Variants in FES observed in about 807,000 individuals in gnomAD.
The protein encoded by FES is tyrosine-protein kinase Fes/Fps.
A neutral mutation model predicts 109.6 loss-of-function variants in FES; 83 were observed. That is an observed-to-expected ratio of 0.76 (90% confidence interval 0.63 to 0.91). The LOEUF (loss-of-function observed/expected upper bound fraction) is 0.91. Ranked by LOEUF, FES falls within the 40% of genes least tolerant of loss-of-function variation. FES has a pLI of 0.00. For synonymous variants in FES, 458 were observed against 442.1 expected (o/e 1.04, Z -0.45); for missense variants, 943 against 1,070.9 (o/e 0.88, Z 1.67).
chr15:90,892,880 C>T (rs1226703726), intron 14 of FES, 55 bp downstream of exon 14: 2 of 1,533,280 alleles, frequency 1.3e-6, no homozygotes, highest in Non-Finnish European at 9.0e-7. Flanking sequence ...GGTTACACTG[C>T]ATGGCACAGT....
rs1465243461 is a variant in FES at position 90,884,526 on chromosome 15, G to A, written c.-28G>A. On this transcript the variant is annotated 5_prime_UTR_variant, in exon 1 of 19. Transcript: ENST00000328850. The stretch of plus-strand genomic sequence containing the variant: ...CCTGAGTCGGTCCGAGGCCGTCCCA[G>A]GAGCAGCTGCCCGTGCGGGTACCTC... The A allele has an allele frequency of 1.3e-5, 2 of 154,104 alleles. No homozygotes were observed. The highest frequency in any genetic ancestry group is 4.8e-5 in the African/African-American group (2 of 41,472). 9.5% of individuals were successfully genotyped at this position (154,104 alleles called of 1,614,324 possible).
chr15:90,895,401 T>G lies in FES; in HGVS notation c.2327-15T>G. The G allele has an allele frequency of 1.3e-6, 2 of 1,514,670 alleles. No individual in the cohort carries two copies. The highest frequency in any genetic ancestry group is 1.8e-6 in the Non-Finnish European group (2 of 1,127,324). 93.8% of individuals were successfully genotyped at this position (1,514,670 alleles called of 1,614,324 possible). Reference sequence around the variant, plus strand: ...CTCCCTCCTCATGCCTGGTGTGCTGTGCCTCTCCTCACAGGGGGCCGTCTG... The same window carrying G: ...CTCCCTCCTCATGCCTGGTGTGCTGGGCCTCTCCTCACAGGGGGCCGTCTG... On this transcript the variant is annotated splice_polypyrimidine_tract_variant and intron_variant, in intron 18 of 18. Coordinates refer to ENST00000328850, the MANE Select transcript of FES (RefSeq NM_002005.4).
rs765642999 is a variant in FES, at chr15:90,890,272, G to C, written c.1230G>C (p.Ser410=). ...LLLQDDRHST[S]SSEQEREGGR... The stretch of plus-strand genomic sequence containing the variant: ...TGCAGGATGACCGCCACTCCACGTC[G>C]TCCTCGGTGAGCTGCCCCATCCGCG... Residue 410 remains serine, a synonymous_variant, in exon 9 of 19, where the codon TCG becomes TCC. Coordinates refer to ENST00000328850, the MANE Select transcript of FES (RefSeq NM_002005.4). The C allele has an allele frequency of 6.3e-7, 1 of 1,590,834 alleles. No homozygotes were observed. Among genetic ancestry groups the C allele is most frequent in the South Asian group, 1.1e-5 (1 of 90,574 alleles).
Position 90,888,137 on chromosome 15 carries a change from G to A in FES, c.668+767G>A, listed in dbSNP as rs186525075. Among the ~76,000 whole-genome samples the A allele has an allele frequency of 2.0e-4, 31 of 152,220 alleles. 1 individual carries two copies. In the East Asian group the frequency reaches 3.5e-3, roughly 17 times the overall value. On this transcript the variant is annotated intron_variant, in intron 5 of 18. Transcript: ENST00000328850. ...TTAACTTTTTTTGAGTCAGAGTCTC[G>A]CTCTGCCGCCCAGGCTAGAGTGCAG...
At chr15:90,894,192 G>A in intron 18 of FES, 134 bp downstream of exon 18, 1 of 1,052,888 alleles carries the variant, frequency 9.5e-7, no homozygotes, top group Non-Finnish European at 1.4e-6. Flanking sequence ...GCTCACGCCT[G>A]TCATCCCAGC....
chr15:90,892,683 G>C, intron 13 of FES, 24 bp from the exon 14 acceptor site: 1 of 1,579,460 alleles, frequency 6.3e-7, no homozygotes, highest in Non-Finnish European at 8.6e-7. Context: ...GGAAGGCCGT[G>C]GTAGGAGCCC....
In FES at chr15:90,889,616, T is replaced by G; in HGVS notation, c.906T>G (p.Thr302=). 1 of 1,613,456 alleles carries G rather than the reference T, an allele frequency of 6.2e-7. No homozygotes were observed. The highest frequency in any genetic ancestry group is 8.5e-7 in the Non-Finnish European group (1 of 1,179,982). ...EPGELQLNEL[T]VESVQHTLTS... ...GGGAGCTCCAGCTGAACGAGCTGAC[T>G]GTGGAGAGCGTGCAGCACACGTGGG... The change falls in exon 7 of 19, where the codon ACT becomes ACG. Residue 302 remains threonine (T), a synonymous_variant. Coordinates refer to ENST00000328850, the MANE Select transcript of FES (RefSeq NM_002005.4). This position sits in a 1 kb window ranked among gnomAD's most constrained non-coding sequence, Gnocchi z 6.1.
intron 12 of FES, 52 bp from the exon 13 acceptor site, chr15:90,892,006 C>T: frequency 6.2e-7 from 1 of 1,606,140 alleles, no homozygotes; most frequent in East Asian, 2.2e-5. Flanking sequence ...TTCTAAGGGC[C>T]CAGCACCCCT....
chr15:90,893,072 G>C, intron 14 of FES, 28 bp from the exon 15 acceptor site: 4 of 1,606,792 alleles, frequency 2.5e-6, no homozygotes, highest in Non-Finnish European at 3.4e-6. Flanking sequence ...GCCTGGCCAC[G>C]TAGATCCTGA....
At position 90,890,107 on chromosome 15, in the gene FES, C is replaced by T; in HGVS notation, c.1065C>T (p.Gly355=). The T allele has an allele frequency of 2.1e-6, 3 of 1,459,718 alleles. No homozygotes were observed. Among genetic ancestry groups the T allele is most frequent in the Non-Finnish European group, 2.7e-6 (3 of 1,093,050 alleles). 90.4% of individuals were successfully genotyped at this position (1,459,718 alleles called of 1,614,324 possible). ...THPRERVQLL[G]KRQVLQEALQ... is the part of the protein sequence containing the mutation. ...CTGCCTGCAGGGTGCAGCTGCTGGGCAAGAGGCAAGTGCTGCAAGAAGCAC... is the reference window on the plus strand; with the variant it reads ...CTGCCTGCAGGGTGCAGCTGCTGGGTAAGAGGCAAGTGCTGCAAGAAGCAC... Residue 355 remains glycine, a synonymous_variant, in exon 9 of 19, where the codon GGC becomes GGT. Transcript: ENST00000328850.
Position 90,887,317 on chromosome 15 carries a change from G to T in FES, c.615G>T (p.Leu205=). 1 of 1,613,120 alleles carries T rather than the reference G, an allele frequency of 6.2e-7. No individual in the cohort carries two copies. Among genetic ancestry groups the T allele is most frequent in the Non-Finnish European group, 8.5e-7 (1 of 1,180,028 alleles). ...ACCAGCACCACCACCAGCTCCTGCTGCCCGGCCTGCTGCGGTCACTGCAGG... is the reference window on the plus strand; with the variant it reads ...ACCAGCACCACCACCAGCTCCTGCTTCCCGGCCTGCTGCGGTCACTGCAGG... ...LHHQHHHQLL[L]PGLLRSLQDL... is the part of the protein sequence containing the mutation. The change falls in exon 5 of 19, where the codon CTG becomes CTT. Residue 205 remains leucine (L), a synonymous_variant. Coordinates refer to ENST00000328850, the MANE Select transcript of FES (RefSeq NM_002005.4).
rs2032739718 is a variant in FES at position 90,887,278 on chromosome 15, T to C, written c.576T>C (p.Ala192=). 12 of 1,613,294 alleles carry C rather than the reference T, an allele frequency of 7.4e-6. No individual in the cohort carries two copies. The highest frequency in any genetic ancestry group is 1.0e-5 in the Non-Finnish European group (12 of 1,180,036). The change falls in exon 5 of 19, where the codon GCT becomes GCC. Residue 192 remains alanine, a synonymous_variant. Coordinates refer to ENST00000328850, the MANE Select transcript of FES (RefSeq NM_002005.4). ...ACCGCTATGTGCTGGGCGTGCGGGC[T>C]GCGCAGCTACACCACCAGCACCACC... ...HHNRYVLGVR[A]AQLHHQHHHQ... is the part of the protein sequence containing the mutation.
rs139648566 is a variant in FES at position 90,893,663 on chromosome 15, T to C, written c.2055T>C (p.Ala685=). 2.7e-4 allele frequency: 434 copies of C among 1,590,494 alleles called. 2 individuals are homozygous for C. The African/African-American group carries it at 5.5e-3, about 20-fold the overall frequency. The change falls in exon 17 of 19, where the codon GCT becomes GCC. Residue 685 remains alanine, a synonymous_variant. Transcript: ENST00000328850. ...GCCCTGTCTCACCCAGGGACCTGGC[T>C]GCTCGGAACTGCCTGGTGACAGAGA... The part of the protein sequence containing the change: ...ESKCCIHRDL[A]ARNCLVTEKN...
chr15:90,892,884 G>A, intron 14 of FES, 59 bp downstream of exon 14: 1 of 1,523,584 alleles, frequency 6.6e-7, no homozygotes, highest in Non-Finnish European at 9.1e-7. Flanking sequence ...ACACTGCATG[G>A]CACAGTGTGA....
At position 90,885,134 on chromosome 15, in the gene FES, T is replaced by C. The variant is rs1370969326; in HGVS notation, c.89T>C (p.Met30Thr). 1 of 1,610,290 alleles carries C rather than the reference T, an allele frequency of 6.2e-7. No individual in the cohort carries two copies. Among genetic ancestry groups the C allele is most frequent in the Non-Finnish European group, 8.5e-7 (1 of 1,176,910 alleles). ...GCCGAGCTTCGTCTACTGGAGGGCA[T>C]GAGAAAGTGGATGGCCCAGCGGGTC... ...QEAELRLLEG[M>T]RKWMAQRVKS... is the part of the protein sequence containing the mutation. Residue 30 changes from methionine to threonine, a missense_variant, in exon 2 of 19, where the codon ATG becomes ACG. By Grantham distance (81) the Met-to-Thr change is moderately conservative. Coordinates refer to ENST00000328850, the MANE Select transcript of FES (RefSeq NM_002005.4).
intron 10 of FES, 24 bp from the exon 11 acceptor site, chr15:90,890,958 C>T (rs756122752): frequency 3.9e-6 from 6 of 1,556,394 alleles, no homozygotes; most frequent in Admixed American, 3.7e-5. Flanking sequence ...TTAAGTGACT[C>T]CTCCTCGATC....
At chr15:90,884,892 C>A (rs1209155449) in intron 1 of FES, 145 bp from the exon 2 acceptor site, 2 of 690,160 alleles carry the variant, frequency 2.9e-6, no homozygotes, top group Non-Finnish European at 5.0e-6. Context: ...TGCTGGGTAC[C>A]CATGGCTGCG....
chr15:90,892,049 C>T lies in FES; in HGVS notation c.1654-9C>T. 2 of 1,614,164 alleles carry T rather than the reference C, an allele frequency of 1.2e-6. No individual in the cohort carries two copies. Among genetic ancestry groups the T allele is most frequent in the Non-Finnish European group, 1.7e-6 (2 of 1,179,988 alleles). ...AGACTTCTGATCCCCTGTCTCCTCT[C>T]TTCCCCAGGACAAGTGGGTGCTGAA... On this transcript the variant is annotated splice_polypyrimidine_tract_variant and intron_variant, in intron 12 of 18. Coordinates refer to ENST00000328850, the MANE Select transcript of FES (RefSeq NM_002005.4).
chr15:90,885,131 G>C lies in FES; in HGVS notation c.86G>C (p.Gly29Ala). The change falls in exon 2 of 19, where the codon GGC becomes GCC. Residue 29 changes from glycine (G) to alanine (A), a missense_variant. Coordinates refer to ENST00000328850, the MANE Select transcript of FES (RefSeq NM_002005.4). ...GAGGCCGAGCTTCGTCTACTGGAGG[G>C]CATGAGAAAGTGGATGGCCCAGCGG... is the stretch of plus-strand genomic sequence containing the variant. ...MQEAELRLLE[G>A]MRKWMAQRVK... 1 of 1,614,014 alleles carries C rather than the reference G, an allele frequency of 6.2e-7. No homozygotes were observed. Among genetic ancestry groups the C allele is most frequent in the Admixed American group, 1.7e-5 (1 of 60,036 alleles).
Sources: allele counts gnomAD v4.1 joint callset (sites outside exome capture counted in the v4.1 genomes callset), GRCh38; gene constraint gnomAD v4.1.1; non-coding constraint Gnocchi (gnomAD v3.1); transcripts MANE v1.5; gene names NCBI Gene and HGNC (gene_info 2026-07-23, HGNC 2026-07-21).